TACR1: variants seen among roughly 807,000 people sequenced by gnomAD.
TACR1 encodes the protein tachykinin receptor 1, also known as substance-P receptor.
In TACR1, 25 loss-of-function variants were observed where a neutral mutation model predicts 35.8. That is an observed-to-expected ratio of 0.70 (90% confidence interval 0.51 to 0.98). TACR1 has a LOEUF of 0.98. Ranked by LOEUF, TACR1 falls within the 50% of genes least tolerant of loss-of-function variation. TACR1 has a pLI of 0.00. For missense variants in TACR1, 478 were observed against 522.9 expected, an observed-to-expected ratio of 0.91 and a Z score of 0.84; for synonymous variants, 195 against 206.7, an observed-to-expected ratio of 0.94 and a Z score of 0.48.
chr2:75,187,796 C>G (rs181270156), intron 1 of TACR1: 1 of 152,246 alleles, frequency 6.6e-6, no homozygotes, highest in East Asian at 1.9e-4. Flanking sequence ...TGGAGGGAAA[C>G]CAACAAAAAC....
At chr2:75,064,074 T>C (rs1280597399) in intron 2 of TACR1, among the ~76,000 whole-genome samples, 1 of 149,708 alleles carries the variant, frequency 6.7e-6, no homozygotes, top group Non-Finnish European at 1.5e-5. Context: ...AGATTCTTTC[T>C]TGGGCAGCAG....
At chr2:75,133,711 TATAAAC>T (rs929854380) in intron 1 of TACR1, among the ~76,000 whole-genome samples, 3 of 152,178 alleles carry the variant, frequency 2.0e-5, no homozygotes, top group Admixed American at 6.5e-5. Context: ...TCTCTGAACA[TATAAAC>T]ATATATATTT....
intron 1 of TACR1, among the ~76,000 whole-genome samples, chr2:75,137,381 C>T (rs10172990): frequency 0.12 from 18,981 of 152,032 alleles, 1,398 homozygotes; most frequent in Middle Eastern, 0.21. Context: ...ACGCATGGTG[C>T]GCCCTCCAAT....
intron 2 of TACR1, among the ~76,000 whole-genome samples, chr2:75,093,178 A>G (rs758409912): frequency 4.3e-4 from 65 of 152,148 alleles, no homozygotes; most frequent in Non-Finnish European, 8.5e-4. Flanking sequence ...CAGCCTACAC[A>G]TGTTTAATCC....
chr2:75,192,148 A>G (rs59018576), intron 1 of TACR1, among the ~76,000 whole-genome samples: 5,239 of 152,242 alleles, frequency 0.034, 306 homozygotes, highest in African/African-American at 0.12. Flanking sequence ...GAGTGATGGT[A>G]GTAAGGTAAC....
chr2:75,156,544 A>G (rs1390727704), intron 1 of TACR1, among the ~76,000 whole-genome samples: 1 of 147,934 alleles, frequency 6.8e-6, no homozygotes, highest in Non-Finnish European at 1.5e-5. Context: ...CAGAGCTTGC[A>G]GTGAGTGGAG....
At chr2:75,122,487 C>G (rs1673988360) in intron 1 of TACR1, among the ~76,000 whole-genome samples, 1 of 152,150 alleles carries the variant, frequency 6.6e-6, no homozygotes, top group Non-Finnish European at 1.5e-5. Flanking sequence ...TAGAGTATGT[C>G]TACTAGGAGG....
intron 2 of TACR1, among the ~76,000 whole-genome samples, chr2:75,107,737 A>C (rs1673676830): frequency 6.6e-6 from 1 of 152,024 alleles, no homozygotes; most frequent in South Asian, 2.1e-4. Context: ...TTTTATTGGT[A>C]GATGTTTTCA....
intron 1 of TACR1, chr2:75,189,777 G>A (rs1314830632): frequency 6.6e-6 from 1 of 152,168 alleles, no homozygotes; most frequent in Non-Finnish European, 1.5e-5. Context: ...CTTCCTGTTA[G>A]GGATTTGAAG....
chr2:75,076,681 G>T (rs1572914715), intron 2 of TACR1, among the ~76,000 whole-genome samples: 1 of 152,118 alleles, frequency 6.6e-6, no homozygotes, highest in African/African-American at 2.4e-5. Flanking sequence ...CCAGGAGTCA[G>T]GAGCCTGGTG....
chr2:75,087,561 G>A (rs1306233471), intron 2 of TACR1, among the ~76,000 whole-genome samples: 2 of 152,146 alleles, frequency 1.3e-5, no homozygotes, highest in Non-Finnish European at 2.9e-5. Flanking sequence ...CTTGCCTAAG[G>A]AAGCCCCACC....
intron 2 of TACR1, among the ~76,000 whole-genome samples, chr2:75,059,752 C>T (rs764811429): frequency 6.6e-6 from 1 of 152,210 alleles, no homozygotes; most frequent in Non-Finnish European, 1.5e-5. Context: ...TTCCCCAGAG[C>T]CCCCTTTGCA....
chr2:75,161,604 C>T (rs1675011213), intron 1 of TACR1, among the ~76,000 whole-genome samples: 1 of 151,846 alleles, frequency 6.6e-6, no homozygotes, highest in Non-Finnish European at 1.5e-5. Flanking sequence ...TGAGACAAAA[C>T]AAAGTCAAAG....
At chr2:75,156,621 A>AAG (rs554647751) in intron 1 of TACR1, among the ~76,000 whole-genome samples, 1 of 149,160 alleles carries the variant, frequency 6.7e-6, no homozygotes, top group Non-Finnish European at 1.5e-5. Context: ...AAAAAAAAAA[A>AAG]GAAAGAATTC....
intron 1 of TACR1, among the ~76,000 whole-genome samples, chr2:75,184,169 T>C (rs761230534): frequency 1.3e-4 from 20 of 152,312 alleles, no homozygotes; most frequent in Admixed American, 3.3e-4. Flanking sequence ...TTGTTTATTC[T>C]AGGAGTTCTA....
intron 2 of TACR1, among the ~76,000 whole-genome samples, chr2:75,105,913 G>A (rs1300838433): frequency 1.3e-5 from 2 of 151,942 alleles, no homozygotes; most frequent in African/African-American, 2.4e-5. Flanking sequence ...ACAACCAAGA[G>A]GAGCCTAAAG....
chr2:75,051,549 A>C, intron 3 of TACR1, 102 bp from the exon 4 acceptor site: 1 of 1,534,412 alleles, frequency 6.5e-7, no homozygotes, highest in Non-Finnish European at 8.8e-7. Context: ...TATGGGATGA[A>C]GCGAGAAGTA....
chr2:75,056,794 CA>C (rs374826168), intron 2 of TACR1, among the ~76,000 whole-genome samples: 15 of 151,842 alleles, frequency 9.9e-5, no homozygotes, highest in Admixed American at 6.6e-4. Context: ...TTGAAAACAA[CA>C]AAAAAAATGG....
intron 1 of TACR1, among the ~76,000 whole-genome samples, chr2:75,134,153 T>G (rs1388826727): frequency 6.6e-6 from 1 of 152,212 alleles, no homozygotes; most frequent in African/African-American, 2.4e-5. Flanking sequence ...CAGCAGCCCT[T>G]GGGGCTGCTC....
Sources: gnomAD v4.1 joint callset for allele counts (sites outside exome capture counted in the v4.1 genomes callset) on GRCh38, gnomAD v4.1.1 for gene constraint, MANE v1.5 for transcripts, NCBI Gene and HGNC (gene_info 2026-07-23, HGNC 2026-07-21) for gene names.